Variants in LRRTM4 observed in about 807,000 individuals in gnomAD.
LRRTM4 encodes leucine-rich repeat transmembrane neuronal protein 4.
LRRTM4 carries 25 observed loss-of-function variants against 47.6 expected under a neutral mutation model. The observed-to-expected ratio is 0.53, with a 90% CI of 0.38 to 0.73. The LOEUF (loss-of-function observed/expected upper bound fraction) is 0.73. Among genes scored for constraint, LRRTM4 ranks in the 30% least tolerant of loss-of-function variants. LRRTM4 has a pLI of 0.00. For missense variants in LRRTM4, 638 were observed against 713.4 expected (o/e 0.89, Z 1.20); for synonymous variants, 311 against 269.5 (o/e 1.15, Z -1.51).
intron 3 of LRRTM4, among the ~76,000 whole-genome samples, chr2:76,902,027 T>C (rs536998794): frequency 3.4e-4 from 52 of 152,274 alleles, no homozygotes; most frequent in Middle Eastern, 3.4e-3. Context: ...AAGAACAAGA[T>C]AGTTTTCTCA....
chr2:76,766,485 G>A (rs565109544), intron 3 of LRRTM4, among the ~76,000 whole-genome samples: 4 of 152,194 alleles, frequency 2.6e-5, no homozygotes, highest in East Asian at 1.9e-4. Context: ...TTGCATATTG[G>A]CTAACCTTTT....
At chr2:76,854,965 A>C (rs992654285) in intron 3 of LRRTM4, among the ~76,000 whole-genome samples, 4 of 152,174 alleles carry the variant, frequency 2.6e-5, no homozygotes, top group Non-Finnish European at 5.9e-5. Context: ...GAAGATAATA[A>C]GAATCTAGTG....
chr2:77,397,326 A>G (rs1673741970), intron 3 of LRRTM4, among the ~76,000 whole-genome samples: 2 of 151,754 alleles, frequency 1.3e-5, no homozygotes, highest in African/African-American at 4.8e-5. Context: ...AGGAAAAGGG[A>G]GTATCTTGAA....
At chr2:77,016,383 TAAA>T (rs75200969) in intron 3 of LRRTM4, among the ~76,000 whole-genome samples, 18 of 133,422 alleles carry the variant, frequency 1.3e-4, no homozygotes, top group African/African-American at 3.9e-4. Context: ...GAACTCCATT[TAAA>T]AAAAAAAAAA....
intron 3 of LRRTM4, among the ~76,000 whole-genome samples, chr2:76,838,648 A>G (rs116634923): frequency 6.2e-4 from 94 of 152,164 alleles, no homozygotes; most frequent in Non-Finnish European, 1.0e-3. Context: ...TGTGTTCTGA[A>G]ATGGTACAGC....
Position 76,763,330 on chromosome 2 carries a change from AT to A in LRRTM4, c.1552-14415del, listed in dbSNP as rs1673330550. Reference sequence around the variant, plus strand: ...TGGCAATGGGGCCTCTAAGGAAGTAATTAAAGTTAAATGAGGTCACAAGGTG... The same window carrying A: ...TGGCAATGGGGCCTCTAAGGAAGTAATAAAGTTAAATGAGGTCACAAGGTG... On this transcript the variant is annotated intron_variant, in intron 3 of 3. Transcript: ENST00000409884. Among the ~76,000 whole-genome samples, 7 of 152,314 alleles carry A rather than the reference AT, an allele frequency of 4.6e-5. No homozygotes were observed. The South Asian group carries it at 1.2e-3, about 27-fold the overall frequency.
intron 3 of LRRTM4, among the ~76,000 whole-genome samples, chr2:77,137,823 T>C (rs1671994642): frequency 6.6e-6 from 1 of 152,052 alleles, no homozygotes; most frequent in African/African-American, 2.4e-5. Flanking sequence ...GGATTTGCAA[T>C]CCTAGTCTCT....
chr2:77,046,954 G>A (rs772018125), intron 3 of LRRTM4, among the ~76,000 whole-genome samples: 2 of 151,976 alleles, frequency 1.3e-5, no homozygotes, highest in Admixed American at 6.6e-5. Context: ...TTGCTAACTT[G>A]TTCTGCATGA....
intron 3 of LRRTM4, among the ~76,000 whole-genome samples, chr2:77,022,289 C>T (rs577812698): frequency 6.6e-6 from 1 of 152,268 alleles, no homozygotes; most frequent in South Asian, 2.1e-4. Context: ...CCTCCTACAA[C>T]ATGTGGGAAT....
chr2:77,457,000 GTGTGTATATA>G (rs1212161696), intron 3 of LRRTM4, among the ~76,000 whole-genome samples: 1 of 24,702 alleles, frequency 4.0e-5, no homozygotes, highest in African/African-American at 1.5e-4. Flanking sequence ...GTATGTGTGT[GTGTGTATATA>G]TATATATATA....
Position 77,310,074 on chromosome 2 carries a change from G to C in LRRTM4, c.1551+208244C>G, listed in dbSNP as rs56000340. Among the ~76,000 whole-genome samples, 1,223 of 152,178 alleles carry C rather than the reference G, an allele frequency of 8.0e-3. 14 individuals carry two copies. The highest frequency in any genetic ancestry group is 0.028 in the African/African-American group (1,169 of 41,532). On this transcript the variant is annotated intron_variant, in intron 3 of 3. Coordinates refer to ENST00000409884, the MANE Select transcript of LRRTM4 (RefSeq NM_001134745.3). ...AAAAACTTTTTTTGGCTCTGGGTAA[G>C]AAATGTATACTTGACACTAAGATAT... is the stretch of plus-strand genomic sequence containing the variant.
At chr2:77,245,736 T>C (rs1170180920) in intron 3 of LRRTM4, among the ~76,000 whole-genome samples, 1 of 152,164 alleles carries the variant, frequency 6.6e-6, no homozygotes, top group Admixed American at 6.5e-5. Flanking sequence ...TTTTAACATC[T>C]ACATGTAGCA....
At chr2:76,897,607 G>A (rs571920550) in intron 3 of LRRTM4, among the ~76,000 whole-genome samples, 4 of 152,228 alleles carry the variant, frequency 2.6e-5, no homozygotes, top group African/African-American at 9.6e-5. Flanking sequence ...TTTGTTAAAG[G>A]TAGCCGTTAT....
intron 3 of LRRTM4, among the ~76,000 whole-genome samples, chr2:77,241,844 A>G (rs1159827921): frequency 1.3e-5 from 2 of 151,958 alleles, no homozygotes; most frequent in East Asian, 1.9e-4. Flanking sequence ...GATTTTGTAT[A>G]TTGTCTTAGG....
chr2:77,147,966 A>T (rs1672303561), intron 3 of LRRTM4, among the ~76,000 whole-genome samples: 1 of 152,198 alleles, frequency 6.6e-6, no homozygotes, highest in Non-Finnish European at 1.5e-5. Flanking sequence ...TTGGAGATGT[A>T]AAAATTATTC....
chr2:77,375,699 C>T lies in LRRTM4; in HGVS notation c.1551+142619G>A, dbSNP rs139237422. Among the ~76,000 whole-genome samples the T allele has an allele frequency of 3.3e-3, 500 of 151,864 alleles. 2 individuals carry two copies. The highest frequency in any genetic ancestry group is 0.011 in the African/African-American group (476 of 41,526). On this transcript the variant is annotated intron_variant, in intron 3 of 3. Coordinates refer to ENST00000409884, the MANE Select transcript of LRRTM4 (RefSeq NM_001134745.3). Reference sequence around the variant, plus strand: ...GTGGAATCACGCAGTATTTCTCCTTCTCTGGCCTATAACATCCAGCATAAT... The same window carrying T: ...GTGGAATCACGCAGTATTTCTCCTTTTCTGGCCTATAACATCCAGCATAAT...
At chr2:77,337,189 A>C (rs548869531) in intron 3 of LRRTM4, among the ~76,000 whole-genome samples, 1 of 152,270 alleles carries the variant, frequency 6.6e-6, no homozygotes, top group South Asian at 2.1e-4. Context: ...CTTCGAAGAC[A>C]ATTACAAAAC....
rs140715105 is a variant in LRRTM4 at position 76,768,471 on chromosome 2, C to T, written c.1552-19555G>A. Among the ~76,000 whole-genome samples, 594 of 152,140 alleles carry T rather than the reference C, an allele frequency of 3.9e-3. 9 individuals carry two copies. The South Asian group carries it at 0.048, about 12-fold the overall frequency. On this transcript the variant is annotated intron_variant, in intron 3 of 3. Transcript: ENST00000409884. ...TGCAAAAGAACTACCCAGGAAGTGA[C>T]GGTTTCTTCAAAGAGGTATAAATAC...
At chr2:77,340,504 A>G (rs1205361326) in intron 3 of LRRTM4, among the ~76,000 whole-genome samples, 1 of 152,108 alleles carries the variant, frequency 6.6e-6, no homozygotes, top group African/African-American at 2.4e-5. Context: ...TCAAATATAA[A>G]CTTAAATGCT....
Sources: allele counts gnomAD v4.1 joint callset (sites outside exome capture counted in the v4.1 genomes callset), GRCh38; gene constraint gnomAD v4.1.1; transcripts MANE v1.5; gene names NCBI Gene and HGNC (gene_info 2026-07-23, HGNC 2026-07-21).